ELP2: variants seen among roughly 807,000 people sequenced by gnomAD.
ELP2 encodes elongator acetyltransferase complex subunit 2.
In ELP2, 90 loss-of-function variants were observed where a neutral mutation model predicts 119.2. The ratio of observed to expected loss-of-function variants is 0.75; its 90% confidence interval spans 0.64 to 0.90. ELP2 has a LOEUF of 0.90. Among genes scored for constraint, ELP2 ranks in the 40% least tolerant of loss-of-function variants. The pLI, the probability that ELP2 is intolerant of heterozygous loss-of-function variation, is 0.00. For missense variants in ELP2, 921 were observed against 967.8 expected, an observed-to-expected ratio of 0.95 and a Z score of 0.64; for synonymous variants, 339 against 331.0, an observed-to-expected ratio of 1.02 and a Z score of -0.26.
At chr18:36,141,048 T>C in intron 5 of ELP2, 89 bp from the exon 6 acceptor site, 1 of 1,053,266 alleles carries the variant, frequency 9.5e-7, no homozygotes, top group African/African-American at 1.6e-5. Flanking sequence ...CAGGATTCTT[T>C]ACTTAGAGCT....
rs186891246 is a variant in ELP2, at chr18:36,158,660, G to C, written c.1465-175G>C. 542 of 565,014 alleles carry C rather than the reference G, an allele frequency of 9.6e-4. 2 individuals carry two copies. The highest frequency in any genetic ancestry group is 5.4e-5 in the Non-Finnish European group (17 of 315,484). The allele number at this position is 565,014 out of a possible 1,614,324, so 35.0% of individuals were successfully genotyped here. On this transcript the variant is annotated intron_variant, in intron 13 of 21. Transcript: ENST00000358232. ...AGTGATTGCTTAGCATTGCATTGTT[G>C]GTTCAGGAAGTGAAAGTACGGGTAG...
intron 11 of ELP2, 77 bp downstream of exon 11, chr18:36,146,458 C>G: frequency 6.6e-7 from 1 of 1,505,970 alleles, no homozygotes; most frequent in Non-Finnish European, 9.2e-7. Flanking sequence ...TTGCTTATAA[C>G]ACTCTACAGA....
At chr18:36,131,946 T>C (rs2089649366) in intron 1 of ELP2, among the ~76,000 whole-genome samples, 1 of 147,278 alleles carries the variant, frequency 6.8e-6, no homozygotes, top group Non-Finnish European at 1.5e-5. Context: ...TTTTTTTTTT[T>C]TTTTTTTGGA....
chr18:36,133,902 T>G (rs1358042728), intron 2 of ELP2, among the ~76,000 whole-genome samples: 6 of 57,506 alleles, frequency 1.0e-4, no homozygotes, highest in Admixed American at 3.9e-4. Flanking sequence ...TAGGGGTTTT[T>G]TTTTTTTTTT....
intron 11 of ELP2, among the ~76,000 whole-genome samples, chr18:36,152,383 A>G (rs1318993871): frequency 6.6e-6 from 1 of 152,194 alleles, no homozygotes; most frequent in Non-Finnish European, 1.5e-5. Flanking sequence ...TGAGACAGCA[A>G]GTTTAATAAG....
chr18:36,161,757 A>G (rs926444980), intron 17 of ELP2, among the ~76,000 whole-genome samples: 4 of 152,246 alleles, frequency 2.6e-5, no homozygotes, highest in African/African-American at 9.6e-5. Context: ...TTTAATGTGG[A>G]TTTATGCCAC....
In ELP2 at chr18:36,146,296, G is replaced by T. The variant is rs779970658; in HGVS notation, c.1040G>T (p.Cys347Phe). 9 of 1,614,116 alleles carry T rather than the reference G, an allele frequency of 5.6e-6. No individual in the cohort carries two copies. The highest frequency in any genetic ancestry group is 7.6e-6 in the Non-Finnish European group (9 of 1,179,958). ...VGGNTLGFYD[C>F]QFNEDGSMII... is the part of the protein sequence containing the mutation. ...GGGAATACTTTGGGATTTTATGATT[G>T]CCAGTTCAATGAAGATGGCTCCATG... Residue 347 changes from cysteine (C) to phenylalanine (F), a missense_variant, in exon 11 of 22, where the codon TGC becomes TTC. By Grantham distance (205) the Cys-to-Phe change is radical (BLOSUM62 -2). Coordinates refer to ENST00000358232, the MANE Select transcript of ELP2 (RefSeq NM_018255.4).
At position 36,174,481 on chromosome 18, in the gene ELP2, T is replaced by A. The variant is rs1390957976; in HGVS notation, c.2325-4T>A. 1.9e-6 allele frequency: 3 copies of A among 1,613,512 alleles called. No homozygotes were observed. Among genetic ancestry groups the A allele is most frequent in the African/African-American group, 2.7e-5 (2 of 74,920 alleles). On this transcript the variant is annotated splice_region_variant and splice_polypyrimidine_tract_variant and intron_variant, in intron 21 of 21. Coordinates refer to ENST00000358232, the MANE Select transcript of ELP2 (RefSeq NM_018255.4). ...ATTTCATGATTTCTCTATCTTTGTT[T>A]TAGCCAAAGTCATACACTGGCTATC...
chr18:36,139,520 G>A lies in ELP2; in HGVS notation c.523+648G>A, dbSNP rs149311464. 3.1e-5 allele frequency: 47 copies of A among 1,535,688 alleles called. No individual in the cohort carries two copies. The highest frequency in any genetic ancestry group is 3.3e-4 in the Middle Eastern group (2 of 5,990). ...CTGCGACTCTATGGTTTCATGTTAC[G>A]CTTCCATTCTGTGCAAGGCTCTGTG... On this transcript the variant is annotated intron_variant, in intron 5 of 21. Transcript: ENST00000358232.
At chr18:36,145,805 T>C (rs2090178919) in intron 9 of ELP2, 143 bp from the exon 10 acceptor site, 1 of 755,576 alleles carries the variant, frequency 1.3e-6, no homozygotes, top group Non-Finnish European at 2.4e-6. Flanking sequence ...TGGTAGACAT[T>C]TGTGGTGTTT....
chr18:36,145,704 A>G (rs1359597517), intron 9 of ELP2, among the ~76,000 whole-genome samples: 1 of 152,226 alleles, frequency 6.6e-6, no homozygotes, highest in African/African-American at 2.4e-5. Flanking sequence ...CTGTATCCAC[A>G]TTGATTTGTG....
chr18:36,158,729 G>T (rs1199630972), intron 13 of ELP2, 106 bp from the exon 14 acceptor site: 13 of 771,892 alleles, frequency 1.7e-5, no homozygotes, highest in Non-Finnish European at 2.6e-5. Context: ...CAGCATTTAT[G>T]AGCGTGACTT....
intron 11 of ELP2, among the ~76,000 whole-genome samples, chr18:36,150,890 C>T (rs1367571396): frequency 6.6e-6 from 1 of 152,040 alleles, no homozygotes; most frequent in Non-Finnish European, 1.5e-5. Context: ...ATCCTATTAA[C>T]CCTTAGATTT....
At chr18:36,137,494 ACAC>A in intron 3 of ELP2, among the ~76,000 whole-genome samples, 1 of 152,208 alleles carries the variant, frequency 6.6e-6, no homozygotes, top group Non-Finnish European at 1.5e-5. Flanking sequence ...CATTTAAGGA[ACAC>A]CACTATTTCA....
intron 12 of ELP2, among the ~76,000 whole-genome samples, chr18:36,155,773 G>A (rs2090554193): frequency 6.6e-6 from 1 of 152,006 alleles, no homozygotes; most frequent in African/African-American, 2.4e-5. Flanking sequence ...TGTAATTTTA[G>A]GTTTAATTCA....
chr18:36,173,657 A>G (rs1379441142), intron 21 of ELP2, among the ~76,000 whole-genome samples: 1 of 152,188 alleles, frequency 6.6e-6, no homozygotes, highest in Non-Finnish European at 1.5e-5. Context: ...TCGTGACTTC[A>G]TTCTTCCCTT....
chr18:36,150,348 G>A (rs1234611737), intron 11 of ELP2, among the ~76,000 whole-genome samples: 1 of 152,112 alleles, frequency 6.6e-6, no homozygotes, highest in Non-Finnish European at 1.5e-5. Flanking sequence ...CTTGCTCAAG[G>A]GTATCTCCTC....
In ELP2 at chr18:36,155,060, T is replaced by C; in HGVS notation, c.1275+61T>C. The C allele has an allele frequency of 4.3e-6, 6 of 1,403,002 alleles. No individual in the cohort carries two copies. The South Asian group carries it at 7.0e-5, about 16-fold the overall frequency. The allele number at this position is 1,403,002 out of a possible 1,614,324, so 86.9% of individuals were successfully genotyped here. On this transcript the variant is annotated intron_variant, in intron 12 of 21. Coordinates refer to ENST00000358232, the MANE Select transcript of ELP2 (RefSeq NM_018255.4). ...GGACAGAGTTTCACATCACCCAGGC[T>C]GAAGTGCAATGGCACGATCTCAGCT...
chr18:36,172,284 C>T (rs1022966525), intron 21 of ELP2, among the ~76,000 whole-genome samples: 1 of 152,098 alleles, frequency 6.6e-6, no homozygotes, highest in Non-Finnish European at 1.5e-5. Context: ...TATAAACGTT[C>T]AGAAAGCTAC....
Sources: allele counts gnomAD v4.1 joint callset (sites outside exome capture counted in the v4.1 genomes callset), GRCh38; gene constraint gnomAD v4.1.1; transcripts MANE v1.5; gene names NCBI Gene and HGNC (gene_info 2026-07-23, HGNC 2026-07-21).